BRD10: variants seen among roughly 807,000 people sequenced by gnomAD.
BRD10 encodes uncharacterized bromodomain-containing protein 10.
chr9:5,959,190 C>T, the BRD10 span, among the ~76,000 whole-genome samples: 6 of 152,162 alleles, frequency 3.9e-5, no homozygotes, highest in African/African-American at 1.2e-4. Context: ...AGAAAAGTCA[C>T]ATAATCAATC....
chr9:5,947,810 CAATA>C, the BRD10 span, among the ~76,000 whole-genome samples: 1 of 151,938 alleles, frequency 6.6e-6, no homozygotes. Context: ...AGAATCAACC[CAATA>C]AATAAAGTTC....
chr9:5,908,601 T>C, the BRD10 span: 3 of 1,546,610 alleles, frequency 1.9e-6, no homozygotes, highest in Non-Finnish European at 2.7e-6. Context: ...ACACATACAC[T>C]GTTGCCAAGC....
At chr9:5,926,442 G>A in the BRD10 span, among the ~76,000 whole-genome samples, 1 of 152,078 alleles carries the variant, frequency 6.6e-6, no homozygotes, top group Admixed American at 6.5e-5. Context: ...TGAGTAGCTG[G>A]GACCACAGGC....
At chr9:5,926,404 A>G in the BRD10 span, among the ~76,000 whole-genome samples, 3 of 151,190 alleles carry the variant, frequency 2.0e-5, no homozygotes, top group African/African-American at 4.9e-5. Context: ...ACCTCCCAGG[A>G]TCAAGCAATG....
chr9:5,912,649 A>T, the BRD10 span, among the ~76,000 whole-genome samples: 2 of 152,192 alleles, frequency 1.3e-5, no homozygotes, highest in African/African-American at 4.8e-5. Flanking sequence ...TTGTAGATAG[A>T]TAGGATGAGG....
At chr9:5,921,352 T>C in the BRD10 span, 11 of 1,613,952 alleles carry the variant, frequency 6.8e-6, no homozygotes, top group East Asian at 2.0e-4. Context: ...GAATCAGTAC[T>C]ATTTGGGGTT....
the BRD10 span, among the ~76,000 whole-genome samples, chr9:5,943,862 C>T: frequency 3.3e-5 from 5 of 152,122 alleles, no homozygotes; most frequent in African/African-American, 1.2e-4. Context: ...ATCTGTCACA[C>T]ATGAGACTTC....
the BRD10 span, chr9:6,008,029 T>TCTCCC: frequency 3.4e-6 from 4 of 1,172,576 alleles, no homozygotes; most frequent in Non-Finnish European, 3.2e-6. Context: ...GGTGCCCTCC[T>TCTCCC]CTCCCCTCCC....
At chr9:5,981,219 A>G in the BRD10 span, among the ~76,000 whole-genome samples, 1 of 152,300 alleles carries the variant, frequency 6.6e-6, no homozygotes, top group East Asian at 1.9e-4. Context: ...ATAAAGTGGG[A>G]TGAAGCATTT....
the BRD10 span, among the ~76,000 whole-genome samples, chr9:5,980,906 T>C: frequency 1.3e-5 from 2 of 152,184 alleles, no homozygotes; most frequent in South Asian, 2.1e-4. Context: ...CCACTTCTTA[T>C]GCCAAAGGTT....
the BRD10 span, among the ~76,000 whole-genome samples, chr9:5,984,974 C>A: frequency 2.3e-4 from 34 of 150,044 alleles, no homozygotes; most frequent in East Asian, 1.2e-3. Flanking sequence ...AAAAAAAAAA[C>A]CCCATAAAGT....
the BRD10 span, among the ~76,000 whole-genome samples, chr9:5,888,686 T>C: frequency 2.0e-5 from 3 of 152,204 alleles, no homozygotes; most frequent in South Asian, 6.2e-4. Context: ...CAACGACCAG[T>C]TGAGAACAAT....
At chr9:5,922,922 G>C in the BRD10 span, 2 of 1,614,006 alleles carry the variant, frequency 1.2e-6, no homozygotes, top group Non-Finnish European at 1.7e-6. Context: ...TGTGGAAGGA[G>C]GCAGTTGATT....
chr9:5,929,735 G>C, the BRD10 span, among the ~76,000 whole-genome samples: 1 of 152,094 alleles, frequency 6.6e-6, no homozygotes, highest in Non-Finnish European at 1.5e-5. Flanking sequence ...AATTTGCTAA[G>C]TTTTAACCTA....
chr9:5,919,924 G>C, the BRD10 span: 1 of 1,613,980 alleles, frequency 6.2e-7, no homozygotes. Context: ...GATTACTGGG[G>C]CAAATGGCAG....
At chr9:5,955,836 T>C in the BRD10 span, among the ~76,000 whole-genome samples, 1 of 152,190 alleles carries the variant, frequency 6.6e-6, no homozygotes, top group African/African-American at 2.4e-5. Flanking sequence ...GGTGGGCTGC[T>C]TAAATAAGCA....
At chr9:5,881,218 G>T in the BRD10 span, among the ~76,000 whole-genome samples, 2 of 152,150 alleles carry the variant, frequency 1.3e-5, no homozygotes, top group African/African-American at 2.4e-5. Flanking sequence ...AAATGAGCAG[G>T]ATTTATGGGA....
the BRD10 span, among the ~76,000 whole-genome samples, chr9:5,955,455 CCAAA>C: frequency 9.2e-5 from 14 of 152,244 alleles, no homozygotes; most frequent in South Asian, 2.7e-3. Flanking sequence ...ATGCTCCTTT[CCAAA>C]CATTTTCCTA....
the BRD10 span, among the ~76,000 whole-genome samples, chr9:5,931,858 T>C: frequency 1.3e-5 from 2 of 152,176 alleles, no homozygotes; most frequent in Non-Finnish European, 2.9e-5. Flanking sequence ...CTCAAAAGCA[T>C]GCAGAGGTTT....
Sources: gnomAD v4.1 joint callset for allele counts (sites outside exome capture counted in the v4.1 genomes callset) on GRCh38, gnomAD v4.1.1 for gene constraint, MANE v1.5 for transcripts, NCBI Gene and HGNC (gene_info 2026-07-23, HGNC 2026-07-21) for gene names.